TEX36: variants seen among roughly 807,000 people sequenced by gnomAD.
TEX36 encodes the protein testis expressed 36, also known as testis-expressed protein 36.
TEX36 carries 12 observed loss-of-function variants against 13.6 expected under a neutral mutation model. The ratio of observed to expected loss-of-function variants is 0.88; its 90% CI spans 0.56 to 1.43. The LOEUF is 1.43. TEX36 is among the 40% of genes most tolerant of loss of function. The pLI, the probability that TEX36 is intolerant of heterozygous loss-of-function variation, is 0.00. For synonymous variants in TEX36, 93 were observed against 83.0 expected, an observed-to-expected ratio of 1.12 and a Z score of -0.65; for missense variants, 224 against 228.3, an observed-to-expected ratio of 0.98 and a Z score of 0.12.
At chr10:125,590,410 C>T (rs1846008325) in intron 3 of TEX36, among the ~76,000 whole-genome samples, 1 of 152,184 alleles carries the variant, frequency 6.6e-6, no homozygotes, top group Non-Finnish European at 1.5e-5. Context: ...ACCACCACGC[C>T]TGGCCCTCCT....
chr10:125,605,315 G>C (rs186253131), intron 3 of TEX36, among the ~76,000 whole-genome samples: 2 of 150,380 alleles, frequency 1.3e-5, no homozygotes, highest in Non-Finnish European at 2.9e-5. Context: ...AATGTGGTCA[G>C]TTATTCTCCA....
chr10:125,618,603 G>T (rs1158517893), downstream of TEX36, among the ~76,000 whole-genome samples: 1 of 152,066 alleles, frequency 6.6e-6, no homozygotes, highest in South Asian at 2.1e-4. Context: ...CTGCTCGGGG[G>T]TCAGGGGTCA....
chr10:125,631,464 A>T (rs952216753), intron 3 of TEX36, among the ~76,000 whole-genome samples: 5 of 152,148 alleles, frequency 3.3e-5, no homozygotes, highest in African/African-American at 1.2e-4. Flanking sequence ...CCGGAATGAG[A>T]GAAAAGCGCA....
intron 1 of TEX36, among the ~76,000 whole-genome samples, chr10:125,663,933 A>G (rs1847085847): frequency 6.6e-6 from 1 of 152,164 alleles, no homozygotes; most frequent in African/African-American, 2.4e-5. Flanking sequence ...CATGCTATCA[A>G]CTACTAGATC....
chr10:125,611,989 T>C (rs1027444003), intron 3 of TEX36, among the ~76,000 whole-genome samples: 2 of 152,134 alleles, frequency 1.3e-5, no homozygotes, highest in Non-Finnish European at 2.9e-5. Flanking sequence ...ATTCTTTGAT[T>C]AATGTTTGTG....
intron 3 of TEX36, among the ~76,000 whole-genome samples, chr10:125,656,433 T>A (rs1846946188): frequency 6.6e-6 from 1 of 151,792 alleles, no homozygotes; most frequent in African/African-American, 2.4e-5. Flanking sequence ...AGTTTTTGTA[T>A]TTTTAGTAGA....
At chr10:125,628,878 C>T (rs11244587) in intron 3 of TEX36, among the ~76,000 whole-genome samples, 6,387 of 152,274 alleles carry the variant, frequency 0.042, 237 homozygotes, top group South Asian at 0.17. Context: ...AGAAGAGTTA[C>T]TGAGGACTGA....
chr10:125,579,622 A>T (rs1845862122), intron 3 of TEX36, among the ~76,000 whole-genome samples: 1 of 152,036 alleles, frequency 6.6e-6, no homozygotes. Flanking sequence ...TGTAATTTCC[A>T]TTGTTCGAGG....
chr10:125,606,283 C>T (rs1225523360), intron 3 of TEX36, among the ~76,000 whole-genome samples: 2 of 152,326 alleles, frequency 1.3e-5, no homozygotes, highest in Non-Finnish European at 2.9e-5. Context: ...AACATCTCTC[C>T]GAAAATCCAA....
intron 3 of TEX36, among the ~76,000 whole-genome samples, chr10:125,638,983 A>C (rs1366594343): frequency 6.6e-6 from 1 of 152,258 alleles, no homozygotes; most frequent in Non-Finnish European, 1.5e-5. Context: ...TAAATAAATA[A>C]ATGAAGCCAA....
intron 3 of TEX36, among the ~76,000 whole-genome samples, chr10:125,613,938 A>C (rs1022469130): frequency 6.6e-6 from 1 of 152,110 alleles, no homozygotes; most frequent in African/African-American, 2.4e-5. Flanking sequence ...CCTCTCCAAC[A>C]CCTGTTGTCT....
At chr10:125,622,665 G>C (rs1276543331) in intron 3 of TEX36, among the ~76,000 whole-genome samples, 1 of 152,236 alleles carries the variant, frequency 6.6e-6, no homozygotes. Flanking sequence ...TATGGTCGTA[G>C]AGCCATTGAC....
In TEX36 at chr10:125,661,984, G is replaced by C. The variant is rs760031091; in HGVS notation, c.52-7C>G. 1 of 1,552,384 alleles carries C rather than the reference G, an allele frequency of 6.4e-7. No individual in the cohort carries two copies. Among genetic ancestry groups the C allele is most frequent in the Non-Finnish European group, 8.7e-7 (1 of 1,147,128 alleles). ...TTAGCCCGATGTGAGGGAACTGGAA[G>C]AACAGCACACGCCTTGATTAAAACC... is the stretch of plus-strand genomic sequence containing the variant. On this transcript the variant is annotated splice_region_variant and splice_polypyrimidine_tract_variant and intron_variant, in intron 1 of 3. Coordinates refer to ENST00000368821, the MANE Select transcript of TEX36 (RefSeq NM_001128202.3).
intron 3 of TEX36, among the ~76,000 whole-genome samples, chr10:125,635,535 C>T (rs1249813940): frequency 1.3e-5 from 2 of 152,180 alleles, no homozygotes; most frequent in Non-Finnish European, 2.9e-5. Context: ...TGCTAGCTCC[C>T]CTGCAACAGT....
chr10:125,618,942 TAAA>T (rs11452140), downstream of TEX36, among the ~76,000 whole-genome samples: 502 of 43,524 alleles, frequency 0.012, 6 homozygotes, highest in African/African-American at 0.047. Context: ...CCGTCTCTAC[TAAA>T]AAAAAAAAAA....
At chr10:125,593,439 C>T (rs1846046528) in intron 3 of TEX36, among the ~76,000 whole-genome samples, 1 of 152,180 alleles carries the variant, frequency 6.6e-6, no homozygotes, top group African/African-American at 2.4e-5. Flanking sequence ...TGACTTTAGA[C>T]AACATGAGTA....
chr10:125,577,858 A>G (rs929729515), intron 3 of TEX36, among the ~76,000 whole-genome samples: 1 of 152,226 alleles, frequency 6.6e-6, no homozygotes, highest in Non-Finnish European at 1.5e-5. Flanking sequence ...TGGAAGGAGT[A>G]CTGACTTTTT....
chr10:125,655,028 T>C (rs1411478401), downstream of TEX36, among the ~76,000 whole-genome samples: 1 of 152,196 alleles, frequency 6.6e-6, no homozygotes, highest in Non-Finnish European at 1.5e-5. Context: ...CAAATGTCTA[T>C]TAAGATAATT....
At chr10:125,583,866 T>G (rs1845912568) in intron 3 of TEX36, among the ~76,000 whole-genome samples, 1 of 152,152 alleles carries the variant, frequency 6.6e-6, no homozygotes, top group South Asian at 2.1e-4. Context: ...TTCCCATCCG[T>G]GTACTCCAGC....
Sources: allele counts gnomAD v4.1 joint callset (sites outside exome capture counted in the v4.1 genomes callset), GRCh38; gene constraint gnomAD v4.1.1; transcripts MANE v1.5; gene names NCBI Gene and HGNC (gene_info 2026-07-23, HGNC 2026-07-21).